Variants in BTG4 observed in about 807,000 individuals in gnomAD.
The protein encoded by BTG4 is BTG anti-proliferation factor 4.
BTG4 carries 10 observed loss-of-function variants against 19.3 expected under a neutral mutation model. That is an observed-to-expected ratio of 0.52 (90% CI 0.32 to 0.88). The LOEUF is 0.88. Among genes scored for constraint, BTG4 ranks in the 40% least tolerant of loss-of-function variants. BTG4 has a pLI of 0.04. For missense variants in BTG4, 238 were observed against 281.9 expected, an observed-to-expected ratio of 0.84 and a Z score of 1.11; for synonymous variants, 91 against 95.7, an observed-to-expected ratio of 0.95 and a Z score of 0.29.
the BTG4 span, among the ~76,000 whole-genome samples, chr11:111,400,441 G>A: frequency 6.6e-6 from 1 of 152,152 alleles, no homozygotes; most frequent in Non-Finnish European, 1.5e-5. Context: ...GTATTGTACA[G>A]GCTCATGTTA....
At chr11:111,437,768 G>T in the BTG4 span, among the ~76,000 whole-genome samples, 1 of 152,162 alleles carries the variant, frequency 6.6e-6, no homozygotes. Context: ...CCATCCTGGG[G>T]TCTCTTACTT....
intron 5 of BTG4, among the ~76,000 whole-genome samples, chr11:111,471,836 C>G (rs1042223474): frequency 2.0e-5 from 3 of 152,202 alleles, no homozygotes; most frequent in Non-Finnish European, 4.4e-5. Flanking sequence ...ACCTGCTCCA[C>G]TCAAAACCTT....
At chr11:111,454,470 G>A in the BTG4 span, 6 of 366,168 alleles carry the variant, frequency 1.6e-5, no homozygotes, top group South Asian at 8.4e-5. Context: ...CAAAGAATAT[G>A]GAACATAGAG....
downstream of BTG4, among the ~76,000 whole-genome samples, chr11:111,494,192 C>T (rs1865584035): frequency 6.6e-6 from 1 of 152,118 alleles, no homozygotes; most frequent in Non-Finnish European, 1.5e-5. Flanking sequence ...ACAAAAAGAA[C>T]AAGTCCCCTG....
At chr11:111,416,674 C>G in the BTG4 span, 1 of 152,212 alleles carries the variant, frequency 6.6e-6, no homozygotes, top group East Asian at 1.9e-4. Flanking sequence ...AGGCTGGAGC[C>G]CCTGCATTTG....
chr11:111,486,298 C>T (rs11213925), intron 5 of BTG4, among the ~76,000 whole-genome samples: 5,407 of 152,092 alleles, frequency 0.036, 328 homozygotes, highest in African/African-American at 0.12. Flanking sequence ...TAATCAGACA[C>T]GGTGGTGTGC....
Position 111,476,236 on chromosome 11 carries a change from C to A in BTG4, c.663-8555G>T, listed in dbSNP as rs192522201. 1.5e-4 allele frequency among the ~76,000 whole-genome samples: 23 copies of A among 151,938 alleles called. No homozygotes were observed. The East Asian group carries it at 4.5e-3, about 29-fold the overall frequency. ...TAGACTACTAAAGAATTAAAGCTTTCTTTTTAAAAATATTATTTGGGTAGA... is the reference window on the plus strand; with the variant it reads ...TAGACTACTAAAGAATTAAAGCTTTATTTTTAAAAATATTATTTGGGTAGA... On this transcript the variant is annotated intron_variant, in intron 5 of 5. Transcript: ENST00000356018.
chr11:111,514,618 G>C (rs564619961), upstream of BTG4: 4 of 617,538 alleles, frequency 6.5e-6, no homozygotes, highest in East Asian at 1.1e-4. Context: ...ATCACCGCAG[G>C]GGTGGGCTTC....
the BTG4 span, chr11:111,453,507 A>G: frequency 3.9e-5 from 18 of 456,516 alleles, no homozygotes; most frequent in African/African-American, 3.2e-4. Context: ...ACACTTCCCC[A>G]AGAACTGGGA....
At chr11:111,426,939 T>C in the BTG4 span, among the ~76,000 whole-genome samples, 3 of 152,216 alleles carry the variant, frequency 2.0e-5, no homozygotes, top group Non-Finnish European at 2.9e-5. Context: ...TTTCTCAGTC[T>C]TTGCAAACAC....
At chr11:111,386,877 C>A in the BTG4 span, among the ~76,000 whole-genome samples, 3 of 152,282 alleles carry the variant, frequency 2.0e-5, no homozygotes, top group Admixed American at 6.5e-5. Context: ...TATATCATTT[C>A]ATTCTTATGC....
At chr11:111,399,093 C>T in the BTG4 span, 2 of 152,224 alleles carry the variant, frequency 1.3e-5, no homozygotes, top group African/African-American at 4.8e-5. Context: ...GCACCCAAAC[C>T]TCACCTTTAC....
intron 5 of BTG4, among the ~76,000 whole-genome samples, chr11:111,479,801 C>A (rs1267099588): frequency 6.6e-6 from 1 of 151,984 alleles, no homozygotes; most frequent in East Asian, 1.9e-4. Flanking sequence ...TGGCAAGTTA[C>A]ATACATATAA....
the BTG4 span, among the ~76,000 whole-genome samples, chr11:111,391,269 A>C: frequency 6.6e-6 from 1 of 152,168 alleles, no homozygotes; most frequent in Admixed American, 6.5e-5. Flanking sequence ...TTGCTGCGAC[A>C]AACTCCAAAC....
At chr11:111,483,404 C>A (rs138947020) in intron 5 of BTG4, among the ~76,000 whole-genome samples, 1 of 152,030 alleles carries the variant, frequency 6.6e-6, no homozygotes, top group Non-Finnish European at 1.5e-5. Context: ...GTGACCAATC[C>A]CACAGTGATG....
the BTG4 span, among the ~76,000 whole-genome samples, chr11:111,433,713 A>AAAC: frequency 6.6e-6 from 1 of 151,660 alleles, no homozygotes; most frequent in Non-Finnish European, 1.5e-5. Flanking sequence ...TTACAAGAAA[A>AAAC]AAACAACCCC....
chr11:111,400,762 A>T, the BTG4 span, among the ~76,000 whole-genome samples: 5 of 152,276 alleles, frequency 3.3e-5, no homozygotes, highest in South Asian at 1.0e-3. Context: ...CAAGTGACCA[A>T]TGTTAATGTC....
the BTG4 span, chr11:111,448,413 T>G: frequency 2.0e-5 from 3 of 152,692 alleles, no homozygotes; most frequent in Non-Finnish European, 4.4e-5. Context: ...GGAAGCTAAG[T>G]CTTAGTCCTA....
At chr11:111,484,933 T>C (rs1864966725) in intron 5 of BTG4, among the ~76,000 whole-genome samples, 1 of 152,008 alleles carries the variant, frequency 6.6e-6, no homozygotes, top group African/African-American at 2.4e-5. Context: ...AGATATTCTA[T>C]GCAAATGGAA....
Sources: allele counts gnomAD v4.1 joint callset (sites outside exome capture counted in the v4.1 genomes callset), GRCh38; gene constraint gnomAD v4.1.1; transcripts MANE v1.5; gene names NCBI Gene and HGNC (gene_info 2026-07-23, HGNC 2026-07-21).